RABGEF1: variants seen among roughly 807,000 people sequenced by gnomAD.
RABGEF1 encodes the protein rab5 GDP/GTP exchange factor.
RABGEF1 carries 26 observed loss-of-function variants against 57.3 expected under a neutral mutation model. The ratio of observed to expected loss-of-function variants is 0.45; its 90% CI spans 0.33 to 0.63. The LOEUF is 0.63. Among genes scored for constraint, RABGEF1 ranks in the 20% least tolerant of loss-of-function variants. RABGEF1 has a pLI of 0.02. For synonymous variants in RABGEF1, 185 were observed against 210.7 expected (o/e 0.88, Z 1.06); for missense variants, 464 against 607.6 (o/e 0.76, Z 2.48).
At chr7:66,657,842 AAAAT>A in the RABGEF1 span, among the ~76,000 whole-genome samples, 2 of 152,128 alleles carry the variant, frequency 1.3e-5, no homozygotes, top group Non-Finnish European at 2.9e-5. Flanking sequence ...ATAAAAATAA[AAAAT>A]AAAAGTAAGA....
intron 1 of RABGEF1, among the ~76,000 whole-genome samples, chr7:66,747,048 C>T (rs962757971): frequency 1.3e-5 from 2 of 152,134 alleles, no homozygotes; most frequent in Non-Finnish European, 2.9e-5. Context: ...CCTGCCTTGG[C>T]CTCCCAAAGT....
chr7:66,709,652 G>T (rs759815079), intron 1 of RABGEF1, among the ~76,000 whole-genome samples: 2 of 152,112 alleles, frequency 1.3e-5, no homozygotes, highest in African/African-American at 4.8e-5. Context: ...CAGGCATCTT[G>T]TAATCCCACC....
intron 2 of RABGEF1, among the ~76,000 whole-genome samples, chr7:66,714,987 T>G (rs1232595429): frequency 6.6e-6 from 1 of 152,108 alleles, no homozygotes; most frequent in Non-Finnish European, 1.5e-5. Flanking sequence ...ATTAGAAAAC[T>G]TTCGTCGTCC....
At chr7:66,658,836 C>T in the RABGEF1 span, among the ~76,000 whole-genome samples, 191 of 152,144 alleles carry the variant, frequency 1.3e-3, no homozygotes, top group African/African-American at 3.9e-3. Flanking sequence ...CCCGGGTTCA[C>T]GCCATTCTCC....
upstream of RABGEF1, among the ~76,000 whole-genome samples, chr7:66,738,703 G>T (rs1798337749): frequency 7.1e-6 from 1 of 141,394 alleles, no homozygotes; most frequent in Non-Finnish European, 1.5e-5. Context: ...CTGTGCTCCA[G>T]CCTGGGCAAC....
chr7:66,734,467 A>AT (rs559555119), intron 2 of RABGEF1, among the ~76,000 whole-genome samples: 10 of 151,478 alleles, frequency 6.6e-5, no homozygotes, highest in East Asian at 1.9e-4. Flanking sequence ...GTATTTTTGT[A>AT]TTTTTTTTAG....
At chr7:66,727,045 A>G (rs1285549079) in intron 2 of RABGEF1, among the ~76,000 whole-genome samples, 4 of 152,208 alleles carry the variant, frequency 2.6e-5, no homozygotes, top group African/African-American at 9.6e-5. Flanking sequence ...TGTGGAAATG[A>G]TTGCACAACT....
chr7:66,773,954 C>T (rs1462487526), intron 2 of RABGEF1: 1 of 383,940 alleles, frequency 2.6e-6, no homozygotes, highest in South Asian at 1.9e-5. Flanking sequence ...GCGTGAGCCA[C>T]TGCACCTGGC....
chr7:66,761,276 G>C (rs774313081), intron 1 of RABGEF1, among the ~76,000 whole-genome samples: 2 of 152,180 alleles, frequency 1.3e-5, no homozygotes, highest in African/African-American at 2.4e-5. Flanking sequence ...GTCCCCATGA[G>C]TGCCCCTCCT....
chr7:66,748,625 G>A (rs1585129273), intron 1 of RABGEF1, among the ~76,000 whole-genome samples: 1 of 152,072 alleles, frequency 6.6e-6, no homozygotes, highest in Non-Finnish European at 1.5e-5. Context: ...TAGTTCAAGG[G>A]TGCCACACAA....
chr7:66,775,149 T>A, intron 2 of RABGEF1, 78 bp from the exon 3 acceptor site: 1 of 1,444,864 alleles, frequency 6.9e-7, no homozygotes, highest in Non-Finnish European at 9.3e-7. Context: ...TCCTCCTGAA[T>A]TAATGGAGTA....
intron 4 of RABGEF1, among the ~76,000 whole-genome samples, chr7:66,792,147 C>T (rs533702036): frequency 7.9e-5 from 12 of 151,786 alleles, no homozygotes; most frequent in Non-Finnish European, 1.8e-4. Context: ...AAGATGATCC[C>T]GTACAATGAT....
At chr7:66,709,690 G>A (rs906867902) in intron 1 of RABGEF1, among the ~76,000 whole-genome samples, 1 of 152,098 alleles carries the variant, frequency 6.6e-6, no homozygotes, top group African/African-American at 2.4e-5. Context: ...CAGGAGAATC[G>A]CTTGAACCTG....
intron 7 of RABGEF1, among the ~76,000 whole-genome samples, chr7:66,802,148 C>A (rs1787434158): frequency 6.6e-6 from 1 of 152,142 alleles, no homozygotes; most frequent in African/African-American, 2.4e-5. Flanking sequence ...CTAGACTCAC[C>A]TCCCTAAGTT....
intron 8 of RABGEF1, among the ~76,000 whole-genome samples, chr7:66,806,245 TACGTG>T (rs1302534774): frequency 6.6e-6 from 1 of 152,178 alleles, no homozygotes; most frequent in African/African-American, 2.4e-5. Flanking sequence ...GTCTCACAGG[TACGTG>T]AATCTCTCAG....
At chr7:66,670,999 A>C in the RABGEF1 span, among the ~76,000 whole-genome samples, 1 of 151,504 alleles carries the variant, frequency 6.6e-6, no homozygotes, top group Non-Finnish European at 1.5e-5. Context: ...TTATGTATCT[A>C]TATATATCTA....
chr7:66,763,568 G>A (rs143250207), intron 1 of RABGEF1, among the ~76,000 whole-genome samples: 12 of 152,244 alleles, frequency 7.9e-5, no homozygotes, highest in East Asian at 3.9e-4. Context: ...CTTTTGAAGT[G>A]CACACTTAAG....
intron 4 of RABGEF1, among the ~76,000 whole-genome samples, chr7:66,785,621 TC>T (rs1213261972): frequency 6.6e-6 from 1 of 152,222 alleles, no homozygotes; most frequent in African/African-American, 2.4e-5. Context: ...ACGCCTGTAA[TC>T]CCAACATTTT....
intron 3 of RABGEF1, among the ~76,000 whole-genome samples, chr7:66,779,919 T>C (rs775357225): frequency 6.6e-6 from 1 of 152,164 alleles, no homozygotes; most frequent in Non-Finnish European, 1.5e-5. Context: ...TAATCCAAAC[T>C]TCTGGCCTCT....
Sources: allele counts gnomAD v4.1 joint callset (sites outside exome capture counted in the v4.1 genomes callset), GRCh38; gene constraint gnomAD v4.1.1; transcripts MANE v1.5; gene names NCBI Gene and HGNC (gene_info 2026-07-23, HGNC 2026-07-21).